Variants in RYR1 observed in about 807,000 individuals in gnomAD.
RYR1 encodes central core disease of muscle.
Under a neutral mutation model 583.5 loss-of-function variants are expected in RYR1, and 342 were observed. The ratio of observed to expected loss-of-function variants is 0.59; its 90% CI spans 0.54 to 0.64. RYR1 has a LOEUF of 0.64. Among genes scored for constraint, RYR1 ranks in the 30% least tolerant of loss-of-function variants. The pLI is 0.00. For missense variants in RYR1, 6,032 were observed against 6,917.2 expected (o/e 0.87, Z 4.54); for synonymous variants, 2,791 against 2,822.5 (o/e 0.99, Z 0.35).
At position 38,473,778 on chromosome 19, in the gene RYR1, C is replaced by T. The variant is rs1358439925; in HGVS notation, c.4160+7C>T. 100 of 1,509,220 alleles carry T rather than the reference C, an allele frequency of 6.6e-5. No homozygotes were observed. Among genetic ancestry groups the T allele is most frequent in the Non-Finnish European group, 8.9e-7 (1 of 1,127,254 alleles). The allele number at this position is 1,509,220 out of a possible 1,614,324, so 93.5% of individuals were successfully genotyped here. On this transcript the variant is annotated splice_region_variant and intron_variant, in intron 28 of 105. Coordinates refer to ENST00000359596, the MANE Select transcript of RYR1 (RefSeq NM_000540.3). ...AGAAGAACAAGAAGAGAGGGTGAGT[C>T]GAGGGGGGCCCAGAGTGGGGATTGG...
chr19:38,506,939 TACGCGGTTACAAGGC>T lies in RYR1; in HGVS notation c.8810_8816+8del. ...ACTGAAATTCCTGCAGATGAATGGCTACGCGGTTACAAGGCACGCGGGTTGGGGCTCCCGCGGAAG... is the reference window on the plus strand; with the variant it reads ...ACTGAAATTCCTGCAGATGAATGGCTACGCGGGTTGGGGCTCCCGCGGAAG... On this transcript the variant is annotated splice_donor_variant and coding_sequence_variant, in exon 57 of 106. Coordinates refer to ENST00000359596, the MANE Select transcript of RYR1 (RefSeq NM_000540.3). LOFTEE classifies it high-confidence loss of function. 1 of 1,612,564 alleles carries T rather than the reference TACGCGGTTACAAGGC, an allele frequency of 6.2e-7. No homozygotes were observed. The highest frequency in any genetic ancestry group is 1.3e-5 in the African/African-American group (1 of 74,926).
At chr19:38,583,895 G>A (rs1974327827) in intron 101 of RYR1, among the ~76,000 whole-genome samples, 1 of 152,042 alleles carries the variant, frequency 6.6e-6, no homozygotes. Context: ...CCCAGGCCCT[G>A]CCTCATCTCT....
chr19:38,494,247 A>G (rs1351596033), intron 38 of RYR1, 105 bp from the exon 39 acceptor site: 5 of 1,398,338 alleles, frequency 3.6e-6, no homozygotes, highest in Non-Finnish European at 5.0e-6. Flanking sequence ...AGTAACTGGG[A>G]AAACTTCTGG....
intron 71 of RYR1, among the ~76,000 whole-genome samples, chr19:38,526,193 T>C (rs1971459661): frequency 6.6e-6 from 1 of 151,870 alleles, no homozygotes; most frequent in African/African-American, 2.4e-5. Context: ...CTCTTAAGCT[T>C]GCTGGGATAT....
At chr19:38,501,079 G>GTTTTTC in intron 47 of RYR1, 89 bp downstream of exon 47, 4 of 1,327,134 alleles carry the variant, frequency 3.0e-6, no homozygotes, top group Non-Finnish European at 4.2e-6. Flanking sequence ...AGCTGCTTTT[G>GTTTTTC]TTTTTCTTGG....
chr19:38,442,482 G>A (rs761426042), intron 3 of RYR1, 29 bp downstream of exon 3: 8 of 1,566,274 alleles, frequency 5.1e-6, no homozygotes, highest in Non-Finnish European at 6.2e-6. Flanking sequence ...GGTGGGCGGG[G>A]TGGCAGAGAT....
At chr19:38,451,628 TGAG>T (rs1036769565) in intron 11 of RYR1, 133 bp from the exon 12 acceptor site, 7 of 992,330 alleles carry the variant, frequency 7.1e-6, no homozygotes, top group South Asian at 5.2e-5. Context: ...GACAGAAAAA[TGAG>T]GAGGAATTTG....
chr19:38,581,036 C>A (rs954435132), intron 101 of RYR1, among the ~76,000 whole-genome samples: 1 of 151,716 alleles, frequency 6.6e-6, no homozygotes, highest in South Asian at 2.1e-4. Flanking sequence ...GTAGCTGGGA[C>A]TACAGGCGCA....
Position 38,453,068 on chromosome 19 carries a change from C to T in RYR1, c.1440+54C>T, listed in dbSNP as rs1045567884. ...CCTGTGGGCCCAGGGGGCGGGACCA[C>T]TGAGGGGCGGGGCCACGGCGCTGGG... is the stretch of plus-strand genomic sequence containing the variant. On this transcript the variant is annotated intron_variant, in intron 13 of 105. Coordinates refer to ENST00000359596, the MANE Select transcript of RYR1 (RefSeq NM_000540.3). 9.2e-5 allele frequency: 145 copies of T among 1,567,792 alleles called. 1 individual carries two copies. The South Asian group carries it at 1.5e-3, about 16-fold the overall frequency.
intron 95 of RYR1, 25 bp downstream of exon 95, chr19:38,572,295 G>C (rs751346851): frequency 1.3e-6 from 2 of 1,599,278 alleles, no homozygotes; most frequent in Non-Finnish European, 1.7e-6. Context: ...ATGGTTCTGG[G>C]GCAAGGGCTT....
chr19:38,544,839 G>A (rs1275551296), intron 87 of RYR1, among the ~76,000 whole-genome samples: 1 of 152,128 alleles, frequency 6.6e-6, no homozygotes, highest in Non-Finnish European at 1.5e-5. Flanking sequence ...TCTAGTCTAG[G>A]TTGCAAAAGC....
Position 38,585,020 on chromosome 19 carries a change from C to T in RYR1, c.14724C>T (p.Asp4908=), listed in dbSNP as rs756511525. The T allele has an allele frequency of 1.2e-5, 19 of 1,613,898 alleles. No individual in the cohort carries two copies. Among genetic ancestry groups the T allele is most frequent in the African/African-American group, 6.7e-5 (5 of 74,876 alleles). The change falls in exon 102 of 106, where the codon GAC becomes GAT. Residue 4908 remains aspartate (D), a synonymous_variant. Coordinates refer to ENST00000359596, the MANE Select transcript of RYR1 (RefSeq NM_000540.3). The part of the protein sequence containing the change: ...IGDEIEDPAG[D]EYELYRVVFD... ...ACGAGATCGAGGACCCCGCGGGTGA[C>T]GAATACGAGCTCTACAGGGTGGTCT...
chr19:38,544,792 A>G (rs1394095475), intron 87 of RYR1, among the ~76,000 whole-genome samples: 1 of 151,706 alleles, frequency 6.6e-6, no homozygotes, highest in African/African-American at 2.4e-5. Flanking sequence ...CATCATGTAG[A>G]ATTCCAAATC....
Position 38,444,153 on chromosome 19 carries a change from G to A in RYR1, c.429G>A (p.Glu143=), listed in dbSNP as rs779710472. 2.5e-6 allele frequency: 4 copies of A among 1,613,770 alleles called. No individual in the cohort carries two copies. The South Asian group carries it at 4.4e-5, about 18-fold the overall frequency. ...DVGLQEDATG[E]ACWWTMHPAS... Reference sequence around the variant, plus strand: ...CCATTCCATCCCCACCCATAGGAGAGGCTTGCTGGTGGACCATGCACCCAG... The same window carrying A: ...CCATTCCATCCCCACCCATAGGAGAAGCTTGCTGGTGGACCATGCACCCAG... Residue 143 remains glutamate, a synonymous_variant, in exon 6 of 106, where the codon GAG becomes GAA. Transcript: ENST00000359596. This position sits in a 1 kb window ranked among gnomAD's most constrained non-coding sequence, Gnocchi z 5.1.
At chr19:38,535,518 C>T (rs1415974275) in intron 81 of RYR1, 126 bp downstream of exon 81, 5 of 784,158 alleles carry the variant, frequency 6.4e-6, no homozygotes, top group Non-Finnish European at 1.1e-5. Context: ...CAGAATCGCT[C>T]AAATAACAGG....
Position 38,548,380 on chromosome 19 carries a change from C to T in RYR1, c.12242C>T (p.Thr4081Met), listed in dbSNP as rs373406011. 2.3e-5 allele frequency: 37 copies of T among 1,614,018 alleles called. 1 individual carries two copies. The highest frequency in any genetic ancestry group is 2.0e-4 in the East Asian group (9 of 44,892). ...TCTGAAGCCTTCCAGGACTACGTAA[C>T]GGATCCCCGTGGCCTCATCTCCAAG... Reference protein sequence around the residue: ...VGSEAFQDYVTDPRGLISKKD... With the variant: ...VGSEAFQDYVMDPRGLISKKD... The change falls in exon 89 of 106, where the codon ACG becomes ATG. Residue 4081 changes from threonine (T) to methionine (M), a missense_variant. Transcript: ENST00000359596.
In RYR1 at chr19:38,573,402, C is replaced by T. The variant is rs1973814089; in HGVS notation, c.14129+95C>T. 2.8e-5 allele frequency: 42 copies of T among 1,486,786 alleles called. 1 individual carries two copies. The South Asian group carries it at 4.9e-4, about 17-fold the overall frequency. 92.1% of individuals were successfully genotyped at this position (1,486,786 alleles called of 1,614,324 possible). A position where few individuals can be genotyped will look rare whatever the true frequency, so the allele number is the denominator to read the frequency against. On this transcript the variant is annotated intron_variant, in intron 96 of 105. Coordinates refer to ENST00000359596, the MANE Select transcript of RYR1 (RefSeq NM_000540.3). Reference sequence around the variant, plus strand: ...GACCCCAAAAAACTAGGGTTTCGGTCCGGGCACGGTGGCTCACACCTGTAA... The same window carrying T: ...GACCCCAAAAAACTAGGGTTTCGGTTCGGGCACGGTGGCTCACACCTGTAA...
intron 76 of RYR1, among the ~76,000 whole-genome samples, chr19:38,531,362 A>T (rs1272644265): frequency 6.6e-6 from 1 of 151,840 alleles, no homozygotes; most frequent in Non-Finnish European, 1.5e-5. Flanking sequence ...CCCACCGATA[A>T]AATAGGGCTA....
At chr19:38,486,598 C>A (rs1024654787) in intron 34 of RYR1, among the ~76,000 whole-genome samples, 8 of 152,210 alleles carry the variant, frequency 5.3e-5, no homozygotes, top group Non-Finnish European at 2.9e-5. Flanking sequence ...ACCTTGGCCT[C>A]CCAAAGTGCT....
Sources: allele counts gnomAD v4.1 joint callset (sites outside exome capture counted in the v4.1 genomes callset), GRCh38; gene constraint gnomAD v4.1.1; non-coding constraint Gnocchi (gnomAD v3.1); transcripts MANE v1.5; gene names NCBI Gene and HGNC (gene_info 2026-07-23, HGNC 2026-07-21).